Variants in CLSTN2 observed in about 807,000 individuals in gnomAD.
CLSTN2 encodes the protein calsyntenin-2.
A neutral mutation model predicts 101.2 loss-of-function variants in CLSTN2; 48 were observed. The observed-to-expected ratio is 0.47, with a 90% CI of 0.38 to 0.60. The LOEUF is 0.60. CLSTN2 is among the 20% of genes least tolerant of loss of function. The pLI is 0.00. For missense variants in CLSTN2, 1,160 were observed against 1,238.2 expected (o/e 0.94, Z 0.95); for synonymous variants, 481 against 463.6 (o/e 1.04, Z -0.48).
intron 1 of CLSTN2, among the ~76,000 whole-genome samples, chr3:140,093,053 G>T (rs542909105): frequency 6.6e-6 from 1 of 152,234 alleles, no homozygotes; most frequent in East Asian, 1.9e-4. Context: ...CCTTTGTTAT[G>T]CACGGTATTC....
At chr3:139,976,821 C>T (rs188330438) in intron 1 of CLSTN2, among the ~76,000 whole-genome samples, 26 of 152,304 alleles carry the variant, frequency 1.7e-4, no homozygotes, top group African/African-American at 5.8e-4. Context: ...TCTGTGTGTG[C>T]ATTGATGTGT....
Position 140,566,534 on chromosome 3 carries a change from T to A in CLSTN2, c.*281T>A. On this transcript the variant is annotated 3_prime_UTR_variant, in exon 17 of 17. Coordinates refer to ENST00000458420, the MANE Select transcript of CLSTN2 (RefSeq NM_022131.3). ...TTCCCCAGCATCCTGACTACCTGTC[T>A]GCAGAGTTTGCCTTTGTTTTTTCCT... 2.2e-6 allele frequency: 1 copy of A among 464,238 alleles called. No individual in the cohort carries two copies. The highest frequency in any genetic ancestry group is 3.7e-5 in the East Asian group (1 of 26,940). The allele number at this position is 464,238 out of a possible 1,614,324, so 28.8% of individuals were successfully genotyped here.
At position 140,240,199 on chromosome 3, in the gene CLSTN2, T is replaced by TATATAC. The variant is rs1467063459; in HGVS notation, c.232+64127_232+64128insTATACA. 8.4e-4 allele frequency among the ~76,000 whole-genome samples: 13 copies of TATATAC among 15,418 alleles called. 1 individual carries two copies. The highest frequency in any genetic ancestry group is 1.6e-3 in the African/African-American group (13 of 7,972). The allele number at this position is 15,418 out of a possible 152,430, so 10.1% of individuals were successfully genotyped here. On this transcript the variant is annotated intron_variant, in intron 2 of 16. Coordinates refer to ENST00000458420, the MANE Select transcript of CLSTN2 (RefSeq NM_022131.3). ...CTATATATATATATATATATATATA[T>TATATAC]ACACACACACACACACACACACATA...
At chr3:140,185,936 T>C (rs561479975) in intron 2 of CLSTN2, among the ~76,000 whole-genome samples, 1 of 152,204 alleles carries the variant, frequency 6.6e-6, no homozygotes, top group African/African-American at 2.4e-5. Context: ...TGTTGCACTT[T>C]TATCCACTCT....
chr3:140,264,375 AATATAT>A (rs61248635), intron 2 of CLSTN2, among the ~76,000 whole-genome samples: 1,571 of 97,170 alleles, frequency 0.016, 28 homozygotes, highest in East Asian at 0.021. Context: ...TAATGAATCA[AATATAT>A]ATATATATAT....
intron 1 of CLSTN2, among the ~76,000 whole-genome samples, chr3:140,076,225 C>T (rs543369273): frequency 1.6e-3 from 238 of 152,284 alleles, no homozygotes; most frequent in Non-Finnish European, 2.7e-3. Context: ...TTGTTGTTGC[C>T]TATGGCAGGA....
chr3:139,979,427 C>T (rs976813646), intron 1 of CLSTN2, among the ~76,000 whole-genome samples: 4 of 152,146 alleles, frequency 2.6e-5, no homozygotes, highest in Admixed American at 6.5e-5. Flanking sequence ...AGCTAAAGTC[C>T]AGGTTCTGTG....
At chr3:140,518,340 T>C (rs1414228871) in intron 8 of CLSTN2, among the ~76,000 whole-genome samples, 1 of 152,184 alleles carries the variant, frequency 6.6e-6, no homozygotes, top group African/African-American at 2.4e-5. Flanking sequence ...TGCATTCAGG[T>C]GAAATTGTTA....
chr3:140,426,922 C>T (rs1270327553), intron 5 of CLSTN2, among the ~76,000 whole-genome samples: 1 of 152,036 alleles, frequency 6.6e-6, no homozygotes, highest in African/African-American at 2.4e-5. Context: ...CACCTGTAAT[C>T]CTAGCACTTT....
In CLSTN2 at chr3:140,090,067, G is replaced by A. The variant is rs996446482; in HGVS notation, c.110-85884G>A. Among the ~76,000 whole-genome samples the A allele has an allele frequency of 2.7e-5, 4 of 147,102 alleles. 1 individual carries two copies. The South Asian group carries it at 9.0e-4, about 33-fold the overall frequency. On this transcript the variant is annotated intron_variant, in intron 1 of 16. Coordinates refer to ENST00000458420, the MANE Select transcript of CLSTN2 (RefSeq NM_022131.3). ...TTACAAGCTTGGAATGTTTCTGTGT[G>A]GGGGAGAAATTTATGGTGGAGCTGG...
intron 1 of CLSTN2, among the ~76,000 whole-genome samples, chr3:139,942,543 G>A (rs1230702503): frequency 1.3e-5 from 2 of 152,158 alleles, no homozygotes; most frequent in African/African-American, 4.8e-5. Context: ...GATAAGAAGG[G>A]GATGTTGAGA....
intron 6 of CLSTN2, among the ~76,000 whole-genome samples, chr3:140,454,923 C>T (rs1303386561): frequency 6.6e-6 from 1 of 152,200 alleles, no homozygotes; most frequent in African/African-American, 2.4e-5. Context: ...CATTCTACCA[C>T]CACAAAGTCC....
intron 9 of CLSTN2, among the ~76,000 whole-genome samples, chr3:140,534,939 G>A (rs974032608): frequency 1.3e-5 from 2 of 152,140 alleles, no homozygotes; most frequent in African/African-American, 4.8e-5. Context: ...ACTTCTTTGT[G>A]GTTCCAGGCT....
intron 2 of CLSTN2, among the ~76,000 whole-genome samples, chr3:140,247,870 T>C (rs1213104613): frequency 6.6e-6 from 1 of 152,300 alleles, no homozygotes; most frequent in South Asian, 2.1e-4. Flanking sequence ...GTAAAGACTT[T>C]CCCTGCCTTC....
chr3:140,238,576 T>G (rs777094173), intron 2 of CLSTN2, among the ~76,000 whole-genome samples: 3 of 152,238 alleles, frequency 2.0e-5, no homozygotes, highest in Non-Finnish European at 4.4e-5. Flanking sequence ...AAGTAGAACT[T>G]TCTTTTTATG....
intron 6 of CLSTN2, among the ~76,000 whole-genome samples, chr3:140,453,443 A>C (rs1391240412): frequency 6.6e-6 from 1 of 152,224 alleles, no homozygotes; most frequent in African/African-American, 2.4e-5. Flanking sequence ...ACTCCTGCAC[A>C]AATTTATTAA....
At chr3:140,044,190 C>G (rs2007820477) in intron 1 of CLSTN2, among the ~76,000 whole-genome samples, 1 of 152,104 alleles carries the variant, frequency 6.6e-6, no homozygotes, top group Non-Finnish European at 1.5e-5. Flanking sequence ...TTGTTTGTGT[C>G]CTCTTTTATT....
intron 2 of CLSTN2, among the ~76,000 whole-genome samples, 180 bp downstream of exon 2, chr3:140,176,253 GT>G (rs2010323182): frequency 6.6e-6 from 1 of 152,152 alleles, no homozygotes; most frequent in Admixed American, 6.5e-5. Context: ...CTGTCCTTAT[GT>G]TTTTGTTTGT....
rs551554028 is a variant in CLSTN2, at chr3:140,041,794, A to G, written c.109+106311A>G. Among the ~76,000 whole-genome samples the G allele has an allele frequency of 2.0e-5, 3 of 152,314 alleles. No homozygotes were observed. In the East Asian group the frequency reaches 5.8e-4, roughly 29 times the overall value. ...CAACCCATCAGGCAAGAACCTGCACAGAGGAAGGAAATTGTCTGTCTGGGT... is the reference window on the plus strand; with the variant it reads ...CAACCCATCAGGCAAGAACCTGCACGGAGGAAGGAAATTGTCTGTCTGGGT... On this transcript the variant is annotated intron_variant, in intron 1 of 16. Coordinates refer to ENST00000458420, the MANE Select transcript of CLSTN2 (RefSeq NM_022131.3).
Sources: gnomAD v4.1 joint callset for allele counts (sites outside exome capture counted in the v4.1 genomes callset) on GRCh38, gnomAD v4.1.1 for gene constraint, MANE v1.5 for transcripts, NCBI Gene and HGNC (gene_info 2026-07-23, HGNC 2026-07-21) for gene names.